SORCS3: variants seen among roughly 807,000 people sequenced by gnomAD.
The protein encoded by SORCS3 is sortilin related VPS10 domain containing receptor 3, also known as VPS10 domain-containing receptor SorCS3.
A neutral mutation model predicts 146.3 loss-of-function variants in SORCS3; 57 were observed. The ratio of observed to expected loss-of-function variants is 0.39; its 90% CI spans 0.31 to 0.49. The LOEUF (loss-of-function observed/expected upper bound fraction) is 0.49. Ranked by LOEUF, SORCS3 falls within the 20% of genes least tolerant of loss-of-function variation. The pLI, the probability that SORCS3 is intolerant of heterozygous loss-of-function variation, is 0.92. For missense variants in SORCS3, 1,341 were observed against 1,575.5 expected (o/e 0.85, Z 2.52); for synonymous variants, 653 against 618.5 (o/e 1.06, Z -0.83).
At chr10:104,725,135 G>T (rs992640986) in intron 1 of SORCS3, among the ~76,000 whole-genome samples, 4 of 152,174 alleles carry the variant, frequency 2.6e-5, no homozygotes, top group Admixed American at 2.0e-4. Context: ...TGATGATGGT[G>T]ATGTACAGAT....
chr10:105,025,881 C>CACACACACACACACACA (rs1554870021), intron 4 of SORCS3, among the ~76,000 whole-genome samples: 2 of 148,630 alleles, frequency 1.3e-5, no homozygotes, highest in African/African-American at 5.0e-5. Flanking sequence ...CACACACACA[C>CACACACACACACACACA]CTGAAGAACA....
intron 3 of SORCS3, among the ~76,000 whole-genome samples, chr10:104,938,263 G>A (rs1268717233): frequency 6.6e-6 from 1 of 152,142 alleles, no homozygotes; most frequent in Non-Finnish European, 1.5e-5. Flanking sequence ...CAAGTGAATG[G>A]CCTTCATTGG....
chr10:104,863,954 G>C (rs2018433020), intron 2 of SORCS3, among the ~76,000 whole-genome samples: 1 of 152,196 alleles, frequency 6.6e-6, no homozygotes, highest in African/African-American at 2.4e-5. Context: ...TGCCTATCAG[G>C]GTTGTCAAAA....
At chr10:105,179,449 G>A (rs2056429068) in intron 14 of SORCS3, among the ~76,000 whole-genome samples, 1 of 152,154 alleles carries the variant, frequency 6.6e-6, no homozygotes, top group African/African-American at 2.4e-5. Context: ...CTCCCTAAGA[G>A]CTTGACAGAG....
At chr10:105,210,937 G>T (rs1459600905) in intron 16 of SORCS3, among the ~76,000 whole-genome samples, 200 bp from the exon 17 acceptor site, 1 of 152,028 alleles carries the variant, frequency 6.6e-6, no homozygotes, top group Non-Finnish European at 1.5e-5. Flanking sequence ...CTGTTGACTG[G>T]ACTCCAAATG....
intron 4 of SORCS3, among the ~76,000 whole-genome samples, chr10:105,041,787 T>C (rs1292365881): frequency 1.3e-5 from 2 of 152,092 alleles, no homozygotes; most frequent in Admixed American, 6.6e-5. Flanking sequence ...AGAGCAGATA[T>C]TGGGGATGTG....
chr10:105,183,388 G>A (rs1589677318), intron 14 of SORCS3, among the ~76,000 whole-genome samples: 1 of 152,030 alleles, frequency 6.6e-6, no homozygotes, highest in East Asian at 1.9e-4. Context: ...TTTAAATGAA[G>A]CCTTTTCCAC....
At chr10:104,760,919 T>TG (rs963311275) in intron 1 of SORCS3, among the ~76,000 whole-genome samples, 9 of 152,118 alleles carry the variant, frequency 5.9e-5, no homozygotes, top group South Asian at 4.1e-4. Context: ...TTTTTTTTTT[T>TG]TCTCCATTTG....
intron 6 of SORCS3, among the ~76,000 whole-genome samples, chr10:105,090,505 G>T (rs2055694399): frequency 6.6e-6 from 1 of 152,150 alleles, no homozygotes; most frequent in Non-Finnish European, 1.5e-5. Flanking sequence ...TCTTCTCAGA[G>T]TTGTTTATAC....
At chr10:105,194,129 G>A (rs1184467113) in intron 14 of SORCS3, among the ~76,000 whole-genome samples, 2 of 152,038 alleles carry the variant, frequency 1.3e-5, no homozygotes, top group African/African-American at 4.8e-5. Context: ...GAAACCAAAG[G>A]GTAGGCTACC....
intron 1 of SORCS3, among the ~76,000 whole-genome samples, chr10:104,675,370 G>A (rs1223289518): frequency 6.6e-6 from 1 of 151,980 alleles, no homozygotes; most frequent in Non-Finnish European, 1.5e-5. Flanking sequence ...TATATTTATT[G>A]TAGATATCTT....
At chr10:105,096,103 T>TAC (rs60438282) in intron 6 of SORCS3, among the ~76,000 whole-genome samples, 28,080 of 145,208 alleles carry the variant, frequency 0.19, 4,081 homozygotes, top group African/African-American at 0.42. Context: ...ACCTCACAAA[T>TAC]ACACACACAC....
chr10:105,178,903 G>A (rs1002215599), intron 14 of SORCS3, among the ~76,000 whole-genome samples: 7 of 152,178 alleles, frequency 4.6e-5, no homozygotes, highest in Non-Finnish European at 8.8e-5. Context: ...GTGTGGAGTT[G>A]GCACAGAAGG....
At chr10:104,683,243 C>T (rs1232601529) in intron 1 of SORCS3, among the ~76,000 whole-genome samples, 1 of 152,180 alleles carries the variant, frequency 6.6e-6, no homozygotes, top group East Asian at 1.9e-4. Flanking sequence ...AAATTTGGGG[C>T]ACAGTACTCA....
intron 1 of SORCS3, among the ~76,000 whole-genome samples, chr10:104,685,168 A>G (rs1444602247): frequency 6.6e-6 from 1 of 152,176 alleles, no homozygotes; most frequent in Non-Finnish European, 1.5e-5. Flanking sequence ...AATATAGACA[A>G]ATAAATAGAT....
chr10:105,164,810 A>C (rs934539132), intron 12 of SORCS3, among the ~76,000 whole-genome samples: 3 of 152,220 alleles, frequency 2.0e-5, no homozygotes, highest in African/African-American at 7.2e-5. Flanking sequence ...CATGGAAGTC[A>C]GTGGTTGTTT....
At chr10:104,897,443 A>C (rs994282369) in intron 2 of SORCS3, among the ~76,000 whole-genome samples, 1 of 152,238 alleles carries the variant, frequency 6.6e-6, no homozygotes, top group Non-Finnish European at 1.5e-5. Flanking sequence ...ATCACAGTAT[A>C]TACAGCCTCT....
chr10:105,198,929 T>A (rs2119610634), intron 14 of SORCS3, among the ~76,000 whole-genome samples: 1 of 152,298 alleles, frequency 6.6e-6, no homozygotes, highest in East Asian at 1.9e-4. Context: ...ATTTCACAAG[T>A]TTTGTCAGTC....
chr10:105,001,659 C>T (rs1051623005), intron 4 of SORCS3, among the ~76,000 whole-genome samples: 1 of 152,094 alleles, frequency 6.6e-6, no homozygotes, highest in African/African-American at 2.4e-5. Flanking sequence ...CTATAGAACC[C>T]CTTTAAGGGA....
Sources: allele counts gnomAD v4.1 joint callset (sites outside exome capture counted in the v4.1 genomes callset), GRCh38; gene constraint gnomAD v4.1.1; transcripts MANE v1.5; gene names NCBI Gene and HGNC (gene_info 2026-07-23, HGNC 2026-07-21).